PLCH1: variants seen among roughly 807,000 people sequenced by gnomAD.
The protein encoded by PLCH1 is phospholipase C eta 1.
PLCH1 carries 60 observed loss-of-function variants against 126.7 expected under a neutral mutation model. That is an observed-to-expected ratio of 0.47 (90% CI 0.38 to 0.59). PLCH1 has a LOEUF of 0.59. Ranked by LOEUF, PLCH1 falls within the 20% of genes least tolerant of loss-of-function variation. PLCH1 has a pLI of 0.00. For synonymous variants in PLCH1, 719 were observed against 734.9 expected (o/e 0.98, Z 0.35); for missense variants, 1,723 against 2,040.0 (o/e 0.84, Z 2.99).
At chr3:155,564,368 C>T (rs1197170841) in intron 8 of PLCH1, among the ~76,000 whole-genome samples, 12 of 152,016 alleles carry the variant, frequency 7.9e-5, no homozygotes, top group Non-Finnish European at 2.9e-5. Flanking sequence ...TCGAGGCCAT[C>T]CTGGCCAACA....
At chr3:155,697,684 G>A (rs1487575239) in intron 2 of PLCH1, among the ~76,000 whole-genome samples, 1 of 152,176 alleles carries the variant, frequency 6.6e-6, no homozygotes, top group African/African-American at 2.4e-5. Flanking sequence ...AGAAAGGGCA[G>A]GAGCCAGACA....
chr3:155,494,693 T>C (rs1376080782), intron 15 of PLCH1, among the ~76,000 whole-genome samples, 176 bp from the exon 16 acceptor site: 1 of 152,138 alleles, frequency 6.6e-6, no homozygotes, highest in Non-Finnish European at 1.5e-5. Flanking sequence ...AACATTCCAT[T>C]CATAGGGTTC....
At chr3:155,518,716 G>C (rs181234427) in intron 11 of PLCH1, among the ~76,000 whole-genome samples, 53 of 152,184 alleles carry the variant, frequency 3.5e-4, no homozygotes, top group Admixed American at 3.5e-3. Flanking sequence ...CCAAAGGAGT[G>C]TGCATTTGCT....
intron 2 of PLCH1, among the ~76,000 whole-genome samples, chr3:155,642,142 T>C (rs2108859177): frequency 6.6e-6 from 1 of 152,274 alleles, no homozygotes; most frequent in Admixed American, 6.5e-5. Context: ...TATGTGCTAT[T>C]ATTATCCCTA....
chr3:155,740,760 A>G (rs1368370492), intron 1 of PLCH1, among the ~76,000 whole-genome samples: 1 of 152,218 alleles, frequency 6.6e-6, no homozygotes, highest in African/African-American at 2.4e-5. Flanking sequence ...TCCTGAAAAC[A>G]ACAAGATCAT....
intron 1 of PLCH1, chr3:155,743,134 C>T (rs1307035301): frequency 3.0e-6 from 1 of 334,428 alleles, no homozygotes; most frequent in Non-Finnish European, 5.8e-6. Context: ...TTCTACATAC[C>T]CCTTAAGATG....
intron 6 of PLCH1, among the ~76,000 whole-genome samples, chr3:155,575,403 T>C (rs538047752): frequency 8.6e-5 from 13 of 152,016 alleles, no homozygotes; most frequent in Non-Finnish European, 1.6e-4. Context: ...ATCAGAATGA[T>C]CAAAGAAACA....
intron 2 of PLCH1, among the ~76,000 whole-genome samples, chr3:155,689,615 C>CG (rs1745215882): frequency 6.6e-6 from 1 of 151,792 alleles, no homozygotes; most frequent in African/African-American, 2.4e-5. Flanking sequence ...AGCAGAAATT[C>CG]TAGAGTTGAA....
chr3:155,538,040 G>A (rs1461604756), intron 10 of PLCH1, among the ~76,000 whole-genome samples: 1 of 151,946 alleles, frequency 6.6e-6, no homozygotes, highest in Non-Finnish European at 1.5e-5. Context: ...CATAATTATA[G>A]CAAGTACTCT....
chr3:155,522,067 A>G (rs1169911763), intron 11 of PLCH1, among the ~76,000 whole-genome samples: 1 of 152,192 alleles, frequency 6.6e-6, no homozygotes, highest in Non-Finnish European at 1.5e-5. Context: ...AACTACATAT[A>G]TTTAACTTAG....
intron 12 of PLCH1, among the ~76,000 whole-genome samples, chr3:155,506,327 C>T (rs1412775843): frequency 6.7e-6 from 1 of 148,310 alleles, no homozygotes; most frequent in Non-Finnish European, 1.5e-5. Context: ...CCAACATTTT[C>T]TATCCCATTC....
intron 2 of PLCH1, among the ~76,000 whole-genome samples, chr3:155,686,139 T>C (rs1266448110): frequency 1.3e-5 from 2 of 152,140 alleles, no homozygotes; most frequent in Non-Finnish European, 2.9e-5. Context: ...TGCATGCGTG[T>C]GTGTGTATAG....
At chr3:155,651,629 C>T (rs1473313975) in intron 2 of PLCH1, among the ~76,000 whole-genome samples, 1 of 152,122 alleles carries the variant, frequency 6.6e-6, no homozygotes, top group African/African-American at 2.4e-5. Flanking sequence ...AACTCTGGAG[C>T]TTAATGTTCC....
chr3:155,628,549 C>T (rs1162265787), intron 2 of PLCH1, among the ~76,000 whole-genome samples: 1 of 143,352 alleles, frequency 7.0e-6, no homozygotes. Flanking sequence ...CTTCACCTCT[C>T]TTTTTTTTTT....
At chr3:155,499,434 C>T (rs1268031586) in intron 14 of PLCH1, among the ~76,000 whole-genome samples, 1 of 152,042 alleles carries the variant, frequency 6.6e-6, no homozygotes, top group Non-Finnish European at 1.5e-5. Flanking sequence ...GAAGTCATGC[C>T]TAGAAATTAT....
chr3:155,645,579 C>T (rs868281629), intron 2 of PLCH1, among the ~76,000 whole-genome samples: 6 of 152,144 alleles, frequency 3.9e-5, no homozygotes, highest in Non-Finnish European at 1.5e-5. Context: ...CAGGCTCAAG[C>T]GATTGATTCT....
rs78243989 is a variant in PLCH1, at chr3:155,723,811, G to C, written c.-40-19547C>G. 5.5e-3 allele frequency among the ~76,000 whole-genome samples: 835 copies of C among 152,026 alleles called. 10 individuals carry two copies. Among genetic ancestry groups the C allele is most frequent in the African/African-American group, 0.019 (800 of 41,444 alleles). On this transcript the variant is annotated intron_variant, in intron 1 of 22. Transcript: ENST00000460012. ...TCTACTAAAAACACAAAAATTAGCT[G>C]GGCATGGTCACAGGTGCCTGTAATC...
chr3:155,542,328 G>T lies in PLCH1; in HGVS notation c.1362+7459C>A, dbSNP rs375245791. On this transcript the variant is annotated intron_variant, in intron 10 of 22. Coordinates refer to ENST00000460012, the MANE Select transcript of PLCH1 (RefSeq NM_014996.4). ...CAAACTGCAAGGCAGCAGCGAGGCT[G>T]GGGGAGGGGAGCCCGCCATTGCCCA... Among the ~76,000 whole-genome samples, 21 of 152,376 alleles carry T rather than the reference G, an allele frequency of 1.4e-4. No individual in the cohort carries two copies. In the East Asian group the frequency reaches 3.1e-3, roughly 22 times the overall value.
intron 2 of PLCH1, among the ~76,000 whole-genome samples, chr3:155,683,160 A>G (rs1403485151): frequency 3.9e-5 from 6 of 152,280 alleles, no homozygotes; most frequent in African/African-American, 4.8e-5. Flanking sequence ...TAATTTTGCT[A>G]TGTTCCACAG....
Sources: gnomAD v4.1 joint callset for allele counts (sites outside exome capture counted in the v4.1 genomes callset) on GRCh38, gnomAD v4.1.1 for gene constraint, MANE v1.5 for transcripts, NCBI Gene and HGNC (gene_info 2026-07-23, HGNC 2026-07-21) for gene names.